The following HSD17B11 variants were observed in gnomAD, a reference collection of about 807,000 sequenced individuals.
The protein encoded by HSD17B11 is estradiol 17-beta-dehydrogenase 11.
A neutral mutation model predicts 27.8 loss-of-function variants in HSD17B11; 22 were observed. That is an observed-to-expected ratio of 0.79 (90% confidence interval 0.56 to 1.13). HSD17B11 has a LOEUF of 1.13. Ranked by LOEUF, HSD17B11 falls within the 50% of genes most tolerant of loss-of-function variation. The pLI, the probability that HSD17B11 is intolerant of heterozygous loss-of-function variation, is 0.00. For missense variants in HSD17B11, 314 were observed against 351.1 expected (o/e 0.89, Z 0.84); for synonymous variants, 117 against 132.8 (o/e 0.88, Z 0.82).
At chr4:87,355,146 T>C (rs1188775861) in intron 5 of HSD17B11, among the ~76,000 whole-genome samples, 1 of 151,980 alleles carries the variant, frequency 6.6e-6, no homozygotes, top group South Asian at 2.1e-4. Flanking sequence ...ATCTCATCAT[T>C]ACAATAAAAT....
In HSD17B11 at chr4:87,391,176, G is replaced by A. The variant is rs1188809547; in HGVS notation, c.-106C>T. The A allele has an allele frequency of 2.5e-6, 2 of 790,426 alleles. No individual in the cohort carries two copies. Among genetic ancestry groups the A allele is most frequent in the African/African-American group, 1.8e-5 (1 of 56,878 alleles). 49.0% of individuals were successfully genotyped at this position (790,426 alleles called of 1,614,324 possible). A position where few individuals can be genotyped will look rare whatever the true frequency, so the allele number is the denominator to read the frequency against. Reference sequence around the variant, plus strand: ...AACACCAGAAAGAGTAGGGGCGAGAGCAAGGAGGAACTCCCGTATCAAAGA... The same window carrying A: ...AACACCAGAAAGAGTAGGGGCGAGAACAAGGAGGAACTCCCGTATCAAAGA... On this transcript the variant is annotated 5_prime_UTR_variant, in exon 1 of 7. Coordinates refer to ENST00000358290, the MANE Select transcript of HSD17B11 (RefSeq NM_016245.5).
intron 1 of HSD17B11, among the ~76,000 whole-genome samples, chr4:87,387,348 C>A (rs1339980400): frequency 1.3e-5 from 2 of 152,216 alleles, no homozygotes; most frequent in Non-Finnish European, 2.9e-5. Context: ...GTCCTCATTA[C>A]ATGGATGAAT....
intron 2 of HSD17B11, among the ~76,000 whole-genome samples, chr4:87,381,186 CA>C (rs58998729): frequency 0.025 from 2,902 of 114,098 alleles, 69 homozygotes; most frequent in African/African-American, 0.091. Context: ...GACTCCATTT[CA>C]AAAAAAAAAA....
intron 5 of HSD17B11, among the ~76,000 whole-genome samples, chr4:87,341,157 T>G (rs530442198): frequency 9.9e-5 from 15 of 152,126 alleles, no homozygotes; most frequent in Non-Finnish European, 1.9e-4. Context: ...TTTTTTTGGT[T>G]GTTGTTGTTT....
chr4:87,342,911 C>T (rs73841143), intron 5 of HSD17B11, among the ~76,000 whole-genome samples: 9,549 of 152,186 alleles, frequency 0.063, 960 homozygotes, highest in African/African-American at 0.22. Context: ...CATAAACAGG[C>T]AGGGGTATCA....
At chr4:87,378,441 CA>C in intron 2 of HSD17B11, among the ~76,000 whole-genome samples, 1 of 152,178 alleles carries the variant, frequency 6.6e-6, no homozygotes, top group Non-Finnish European at 1.5e-5. Context: ...CAGGGTAAAT[CA>C]GGTATCCATC....
At chr4:87,359,144 G>C (rs1735456785) in intron 4 of HSD17B11, among the ~76,000 whole-genome samples, 1 of 152,152 alleles carries the variant, frequency 6.6e-6, no homozygotes, top group African/African-American at 2.4e-5. Context: ...CAGCCACGCA[G>C]AACTGTGAGT....
chr4:87,388,207 C>A (rs1028166205), intron 1 of HSD17B11, among the ~76,000 whole-genome samples: 1 of 150,444 alleles, frequency 6.6e-6, no homozygotes, highest in African/African-American at 2.5e-5. Flanking sequence ...TTTATTTAAC[C>A]CAACATATCT....
intron 5 of HSD17B11, among the ~76,000 whole-genome samples, chr4:87,355,229 T>A (rs567123167): frequency 6.6e-6 from 1 of 152,170 alleles, no homozygotes; most frequent in Admixed American, 6.5e-5. Flanking sequence ...AGGAAAATGA[T>A]GTATTATTTA....
At chr4:87,347,116 C>CTTTTTTTTTTTTTTT (rs70957224) in intron 5 of HSD17B11, among the ~76,000 whole-genome samples, 18 of 44,312 alleles carry the variant, frequency 4.1e-4, no homozygotes, top group Non-Finnish European at 5.0e-4. Context: ...TTTTTTTTTT[C>CTTTTTTTTTTTTTTT]TTTTTTTTTT....
intron 5 of HSD17B11, among the ~76,000 whole-genome samples, chr4:87,340,960 A>G (rs1282581591): frequency 6.6e-6 from 1 of 152,194 alleles, no homozygotes; most frequent in Non-Finnish European, 1.5e-5. Flanking sequence ...AGGTCTGACA[A>G]CTTTACTTTT....
chr4:87,379,844 ATATATG>A (rs1233788504), intron 2 of HSD17B11, among the ~76,000 whole-genome samples: 17 of 61,924 alleles, frequency 2.7e-4, no homozygotes, highest in South Asian at 1.4e-3. Context: ...TTATACTATT[ATATATG>A]TATATGTATA....
chr4:87,344,652 C>T (rs1478437703), intron 5 of HSD17B11, among the ~76,000 whole-genome samples: 1 of 152,142 alleles, frequency 6.6e-6, no homozygotes, highest in Non-Finnish European at 1.5e-5. Context: ...ATCAACTATA[C>T]CTAACAGATG....
rs1259443210 is a variant in HSD17B11, at chr4:87,370,881, T to G, written c.557+1828A>C. ...CATTCTCCTGCCTCAGCCTCCCGAG[T>G]AGCTGGGACTACAGGCGCCCGCTAC... On this transcript the variant is annotated intron_variant, in intron 4 of 6. Transcript: ENST00000358290. Among the ~76,000 whole-genome samples the G allele has an allele frequency of 3.3e-5, 4 of 122,786 alleles. No individual in the cohort carries two copies. In the Admixed American group the frequency reaches 3.3e-4, roughly 10 times the overall value. 80.6% of individuals were successfully genotyped at this position (122,786 alleles called of 152,430 possible).
At chr4:87,363,791 C>T (rs1396264485) in intron 4 of HSD17B11, among the ~76,000 whole-genome samples, 1 of 152,192 alleles carries the variant, frequency 6.6e-6, no homozygotes, top group Non-Finnish European at 1.5e-5. Context: ...TTCACAGTGG[C>T]AGTCTAGGTT....
At chr4:87,356,787 G>A (rs989374499) in intron 5 of HSD17B11, among the ~76,000 whole-genome samples, 4 of 151,828 alleles carry the variant, frequency 2.6e-5, no homozygotes, top group Admixed American at 6.6e-5. Flanking sequence ...TACTCCTTTC[G>A]GAGGCTAATC....
At chr4:87,390,147 T>C (rs944675960) in intron 1 of HSD17B11, among the ~76,000 whole-genome samples, 3 of 152,122 alleles carry the variant, frequency 2.0e-5, no homozygotes, top group Non-Finnish European at 4.4e-5. Flanking sequence ...TGGTTTCTGT[T>C]GAGTATAATC....
chr4:87,353,736 G>GA (rs1735328917), intron 5 of HSD17B11, among the ~76,000 whole-genome samples: 1 of 152,050 alleles, frequency 6.6e-6, no homozygotes, highest in South Asian at 2.1e-4. Flanking sequence ...CTTGTAGGGG[G>GA]GGCAAGGTTA....
chr4:87,373,988 G>T (rs1735771549), intron 3 of HSD17B11, among the ~76,000 whole-genome samples: 1 of 152,104 alleles, frequency 6.6e-6, no homozygotes, highest in African/African-American at 2.4e-5. Flanking sequence ...TCACAATAAG[G>T]TTTGCAATTT....
Sources: allele counts gnomAD v4.1 joint callset (sites outside exome capture counted in the v4.1 genomes callset), GRCh38; gene constraint gnomAD v4.1.1; transcripts MANE v1.5; gene names NCBI Gene and HGNC (gene_info 2026-07-23, HGNC 2026-07-21).